Variants in DNM2 observed in about 807,000 individuals in gnomAD.
The protein encoded by DNM2 is dynamin-2.
DNM2 carries 15 observed loss-of-function variants against 99.0 expected under a neutral mutation model. The ratio of observed to expected loss-of-function variants is 0.15; its 90% CI spans 0.10 to 0.23. DNM2 has a LOEUF of 0.23. DNM2 is among the 10% of genes least tolerant of loss of function. The pLI, the probability that DNM2 is intolerant of heterozygous loss-of-function variation, is 1.00. For missense variants in DNM2, 742 were observed against 1,189.4 expected (o/e 0.62, Z 5.53); for synonymous variants, 525 against 481.2 (o/e 1.09, Z -1.19).
chr19:10,825,072 G>A lies in DNM2; in HGVS notation c.1909G>A (p.Gly637Arg), dbSNP rs2073097929. ...PEKDQAENED[G>R]AQENTFSMDP... ...CCGCTTGCAGGCAGAAAACGAGGAT[G>A]GGGCCCAGGAGAACACCTTCTCCAT... Residue 637 changes from glycine to arginine, a missense_variant, in exon 18 of 21, where the codon GGG (glycine) becomes AGG (arginine). Gly to Arg is a moderately radical substitution (Grantham distance 125). Around this residue, in one of 7 missense-constraint regions of DNM2, gnomAD observed 240 missense variants for 431.3 expected, o/e 0.56. Coordinates refer to ENST00000389253, the MANE Select transcript of DNM2 (RefSeq NM_001005361.3). 1 of 1,614,062 alleles carries A rather than the reference G, an allele frequency of 6.2e-7. No individual in the cohort carries two copies. The highest frequency in any genetic ancestry group is 8.5e-7 in the Non-Finnish European group (1 of 1,179,994).
chr19:10,762,668 C>T (rs1014139920), intron 2 of DNM2, among the ~76,000 whole-genome samples: 1 of 152,188 alleles, frequency 6.6e-6, no homozygotes, highest in Non-Finnish European at 1.5e-5. Flanking sequence ...TCTGTCCCCA[C>T]CTTACAGAGG....
chr19:10,758,251 TTCCCTCCTTCCTTCCCTCCTTCCTTCCC>T (rs2070469216), intron 1 of DNM2, among the ~76,000 whole-genome samples: 1 of 145,520 alleles, frequency 6.9e-6, no homozygotes, highest in African/African-American at 2.6e-5. Context: ...CCTTTCTTCC[TTCCCTCCTTCCTTCCCTCCTTCCTTCCC>T]TCCCTCCTTC....
At chr19:10,747,862 A>G (rs12978755) in intron 1 of DNM2, among the ~76,000 whole-genome samples, 3 of 151,728 alleles carry the variant, frequency 2.0e-5, no homozygotes, top group Admixed American at 1.3e-4. Flanking sequence ...GCAGCTTCCT[A>G]TGGCGGGGGG....
chr19:10,786,250 G>A (rs1032312186), intron 6 of DNM2, among the ~76,000 whole-genome samples: 13 of 152,180 alleles, frequency 8.5e-5, no homozygotes, highest in Non-Finnish European at 5.9e-5. Context: ...ATTGGCCCCC[G>A]TTTCCGTGGT....
chr19:10,797,625 C>A, intron 10 of DNM2, 107 bp downstream of exon 10: 3 of 1,550,320 alleles, frequency 1.9e-6, no homozygotes, highest in Non-Finnish European at 2.7e-6. Context: ...AACCCCCTTC[C>A]GCCTACCAGT....
intron 18 of DNM2, 155 bp from the exon 19 acceptor site, chr19:10,828,881 A>G: frequency 1.4e-6 from 1 of 732,512 alleles, no homozygotes; most frequent in East Asian, 2.7e-5. Flanking sequence ...GCTGAAATTG[A>G]GCCACTGTAC....
At chr19:10,784,343 G>C (rs1485088258) in intron 6 of DNM2, among the ~76,000 whole-genome samples, 3 of 152,212 alleles carry the variant, frequency 2.0e-5, no homozygotes, top group African/African-American at 7.2e-5. Flanking sequence ...AGAGAAGGCA[G>C]CTCAGGAGAG....
chr19:10,789,759 G>A (rs936762363), intron 7 of DNM2, among the ~76,000 whole-genome samples: 11 of 152,038 alleles, frequency 7.2e-5, no homozygotes, highest in African/African-American at 2.4e-4. Context: ...ACTTGAACCT[G>A]GGAGTCAGAG....
chr19:10,829,099 C>G lies in DNM2; in HGVS notation c.2122C>G (p.Leu708Val). 1 of 1,614,038 alleles carries G rather than the reference C, an allele frequency of 6.2e-7. No homozygotes were observed. The highest frequency in any genetic ancestry group is 8.5e-7 in the Non-Finnish European group (1 of 1,179,998). The change falls in exon 19 of 21, where the codon CTC (leucine) becomes GTC (valine). Residue 708 changes from leucine to valine, a missense_variant. Physicochemically the swap from Leu to Val is conservative, Grantham distance 32 (BLOSUM62 1). This residue lies in a region of DNM2 where 240 missense variants were observed against 431.3 expected (regional missense o/e 0.56). Coordinates refer to ENST00000389253, the MANE Select transcript of DNM2 (RefSeq NM_001005361.3). ...ATACTCCTCGGCAGACCAGAGCAGC[C>G]TCATGGAGGAGTCGGCTGACCAGGC... is the stretch of plus-strand genomic sequence containing the variant. ...YLYSSADQSS[L>V]MEESADQAQR...
In DNM2 at chr19:10,772,535, C is replaced by A; in HGVS notation, c.292C>A (p.Arg98=). ...SKKFTDFDEV[R]QEIEAETDRV... ...AAAGTTTACAGACTTTGATGAAGTC[C>A]GGCAGGAGATTGAAGCAGAGACCGA... The change falls in exon 3 of 21, where the codon CGG becomes AGG. Residue 98 remains arginine, a synonymous_variant. Coordinates refer to ENST00000389253, the MANE Select transcript of DNM2 (RefSeq NM_001005361.3). The surrounding 1 kb of genome is among the most constrained non-coding windows in gnomAD (Gnocchi z 4.9). 2 of 1,614,098 alleles carry A rather than the reference C, an allele frequency of 1.2e-6. No individual in the cohort carries two copies. Among genetic ancestry groups the A allele is most frequent in the East Asian group, 4.5e-5 (2 of 44,886 alleles).
At chr19:10,771,350 C>T (rs2070972515) in intron 2 of DNM2, among the ~76,000 whole-genome samples, 1 of 152,120 alleles carries the variant, frequency 6.6e-6, no homozygotes, top group Non-Finnish European at 1.5e-5. Context: ...TTATTTTGTT[C>T]CCCTTCATCC....
intron 13 of DNM2, among the ~76,000 whole-genome samples, chr19:10,807,735 G>A (rs915389600): frequency 1.3e-5 from 2 of 148,180 alleles, no homozygotes; most frequent in African/African-American, 2.5e-5. Context: ...TTTTAGTAGA[G>A]ACAGGGTTTC....
At position 10,777,131 on chromosome 19, in the gene DNM2, C is replaced by T. The variant is rs980931289; in HGVS notation, c.603C>T (p.Ile201=). The change falls in exon 5 of 21, where the codon ATC becomes ATT. Residue 201 remains isoleucine, a synonymous_variant. Coordinates refer to ENST00000389253, the MANE Select transcript of DNM2 (RefSeq NM_001005361.3). ...KEVDPQGLRT[I]GVITKLDLMD... ...GGGCTCTTTCAGGCCTACGGACCAT[C>T]GGTGTCATCACCAAGCTTGACCTGA... is the stretch of plus-strand genomic sequence containing the variant. 15 of 1,614,066 alleles carry T rather than the reference C, an allele frequency of 9.3e-6. No individual in the cohort carries two copies. In the East Asian group the frequency reaches 1.1e-4, roughly 12 times the overall value.
intron 1 of DNM2, among the ~76,000 whole-genome samples, chr19:10,751,125 G>A (rs1334496920): frequency 6.6e-6 from 1 of 152,022 alleles, no homozygotes; most frequent in East Asian, 1.9e-4. Flanking sequence ...GAGGCATGGG[G>A]GGTGGAGGTG....
At chr19:10,814,379 G>A (rs1445692663) in intron 15 of DNM2, among the ~76,000 whole-genome samples, 9 of 151,674 alleles carry the variant, frequency 5.9e-5, no homozygotes, top group African/African-American at 1.2e-4. Flanking sequence ...TGGGAGAATC[G>A]CTTGAACCTG....
At chr19:10,827,687 T>C (rs1279600561) in intron 18 of DNM2, among the ~76,000 whole-genome samples, 1 of 151,248 alleles carries the variant, frequency 6.6e-6, no homozygotes, top group African/African-American at 2.4e-5. Context: ...CTGGCCAACA[T>C]GCTGAAACCC....
chr19:10,775,229 G>A lies in DNM2; in HGVS notation c.386-474G>A, dbSNP rs1416041615. On this transcript the variant is annotated intron_variant, in intron 3 of 20. Coordinates refer to ENST00000389253, the MANE Select transcript of DNM2 (RefSeq NM_001005361.3). This position sits in a 1 kb window ranked among gnomAD's most constrained non-coding sequence, Gnocchi z 4.3. ...CCAGAGTAGCTGGGAGTACAAGTGT[G>A]TGCTACCACGCCCAGCTAATTTTTG... Among the ~76,000 whole-genome samples the A allele has an allele frequency of 6.6e-6, 1 of 152,036 alleles. No individual in the cohort carries two copies. The highest frequency in any genetic ancestry group is 1.5e-5 in the Non-Finnish European group (1 of 68,018).
intron 1 of DNM2, among the ~76,000 whole-genome samples, chr19:10,756,806 A>T (rs921977474): frequency 6.6e-6 from 1 of 151,664 alleles, no homozygotes; most frequent in Non-Finnish European, 1.5e-5. Flanking sequence ...CCACCTCCCA[A>T]ACTGCCCTGG....
rs1270303942 is a variant in DNM2 at position 10,765,218 on chromosome 19, A to G, written c.235+5407A>G. Among the ~76,000 whole-genome samples, 1 of 151,972 alleles carries G rather than the reference A, an allele frequency of 6.6e-6. No homozygotes were observed. Among genetic ancestry groups the G allele is most frequent in the Non-Finnish European group, 1.5e-5 (1 of 67,976 alleles). On this transcript the variant is annotated intron_variant, in intron 2 of 20. Transcript: ENST00000389253. The surrounding 1 kb of genome is among the most constrained non-coding windows in gnomAD (Gnocchi z 4.4). ...CGTGATCCGCCCACCTCGGCCTCCC[A>G]AAGTGCTGGGATTACAGGCGTGAGC...
Sources: gnomAD v4.1 joint callset for allele counts (sites outside exome capture counted in the v4.1 genomes callset) on GRCh38, gnomAD v4.1.1 for gene constraint, gnomAD v4.1.1 regional missense constraint, Gnocchi (gnomAD v3.1) non-coding constraint, MANE v1.5 for transcripts, NCBI Gene and HGNC (gene_info 2026-07-23, HGNC 2026-07-21) for gene names.